SEC14L4: variants seen among roughly 807,000 people sequenced by gnomAD.
SEC14L4 encodes SEC14-like protein 4.
SEC14L4 carries 42 observed loss-of-function variants against 55.1 expected under a neutral mutation model. That is an observed-to-expected ratio of 0.76 (90% confidence interval 0.60 to 0.99). The LOEUF is 0.99. Among genes scored for constraint, SEC14L4 ranks in the 50% least tolerant of loss-of-function variants. The probability of loss-of-function intolerance (pLI) is 0.00; values close to 1 mark genes in which losing one functional copy is unlikely to be tolerated. For missense variants in SEC14L4, 445 were observed against 512.1 expected, an observed-to-expected ratio of 0.87 and a Z score of 1.27; for synonymous variants, 206 against 206.8, an observed-to-expected ratio of 1.00 and a Z score of 0.03.
rs984054121 is a variant in SEC14L4 at position 30,494,229 on chromosome 22, T to C, written c.520-19A>G. The C allele has an allele frequency of 2.5e-6, 4 of 1,607,096 alleles. No homozygotes were observed. The South Asian group carries it at 4.4e-5, about 18-fold the overall frequency. ...TAAAAAACTGTGGAGTCAAGATGAG[T>C]CTGGTTGGGGCTCTGTTCCATCACC... On this transcript the variant is annotated intron_variant, in intron 6 of 11. Transcript: ENST00000255858.
chr22:30,501,839 ACACG>A (rs1324895000), intron 2 of SEC14L4, among the ~76,000 whole-genome samples: 10 of 102,228 alleles, frequency 9.8e-5, no homozygotes, highest in African/African-American at 4.1e-4. Flanking sequence ...ATATACACAC[ACACG>A]CACATATATA....
Position 30,494,911 on chromosome 22 carries a change from C to T in SEC14L4, c.474G>A (p.Leu158=). 6.2e-7 allele frequency: 1 copy of T among 1,613,768 alleles called. No individual in the cohort carries two copies. The highest frequency in any genetic ancestry group is 8.5e-7 in the Non-Finnish European group (1 of 1,179,988). ...CTGGCTTCCACAGGTGTTTCAGGCT[C>T]AGCCCCTCCATGTCAAACACCATCA... The part of the protein sequence containing the change: ...MALMVFDMEG[L]SLKHLWKPAV... The change falls in exon 6 of 12, where the codon CTG becomes CTA. Residue 158 remains leucine (L), a synonymous_variant. Transcript: ENST00000255858.
At chr22:30,497,700 T>A (rs1936194526) in intron 2 of SEC14L4, among the ~76,000 whole-genome samples, 1 of 152,128 alleles carries the variant, frequency 6.6e-6, no homozygotes, top group Non-Finnish European at 1.5e-5. Context: ...AACAAATACA[T>A]GTTATCTCTT....
At chr22:30,494,728 C>T in intron 6 of SEC14L4, 138 bp downstream of exon 6, 1 of 634,584 alleles carries the variant, frequency 1.6e-6, no homozygotes, top group East Asian at 2.8e-5. Context: ...TCTAGGCCAG[C>T]ATCATTGGCT....
In SEC14L4 at chr22:30,505,689, T is replaced by A; in HGVS notation, c.-78A>T. ...GCCTGGCCTTGTATCCGCTGCCGCC[T>A]GGTTGTGCCTCCTGGGCCAGATGTT... On this transcript the variant is annotated 5_prime_UTR_variant, in exon 1 of 12. Transcript: ENST00000255858. The A allele has an allele frequency of 7.3e-7, 1 of 1,371,422 alleles. No homozygotes were observed. Among genetic ancestry groups the A allele is most frequent in the Non-Finnish European group, 9.8e-7 (1 of 1,015,504 alleles). 85.0% of individuals were successfully genotyped at this position (1,371,422 alleles called of 1,614,324 possible).
chr22:30,501,818 T>A (rs1936328523), intron 2 of SEC14L4, among the ~76,000 whole-genome samples: 1 of 138,730 alleles, frequency 7.2e-6, no homozygotes, highest in Admixed American at 7.7e-5. Flanking sequence ...AAAATTAAAG[T>A]TTTTATATAT....
At chr22:30,504,141 C>T (rs11704977) in intron 1 of SEC14L4, among the ~76,000 whole-genome samples, 25,537 of 151,434 alleles carry the variant, frequency 0.17, 2,643 homozygotes, top group East Asian at 0.47. Flanking sequence ...CACTGCAACC[C>T]GTGCCTCCCG....
rs1936402087 is a variant in SEC14L4 at position 30,503,663 on chromosome 22, C to G, written c.130+14G>C. 1 of 1,594,560 alleles carries G rather than the reference C, an allele frequency of 6.3e-7. No individual in the cohort carries two copies. Among genetic ancestry groups the G allele is most frequent in the South Asian group, 1.1e-5 (1 of 90,560 alleles). On this transcript the variant is annotated intron_variant, in intron 2 of 11. Transcript: ENST00000255858. ...CCCTCCCTTTCTGCGTCCCCTGACC[C>G]CTGCAAGCCTCACCTCGCAGCCAGC...
Position 30,495,377 on chromosome 22 carries a change from G to A in SEC14L4, c.300C>T (p.Phe100=), listed in dbSNP as rs773187256. Residue 100 remains phenylalanine (F), a synonymous_variant, in exon 5 of 12, where the codon TTC becomes TTT. Coordinates refer to ENST00000255858, the MANE Select transcript of SEC14L4 (RefSeq NM_174977.4). ...GYDYEGCPVY[F]NIIGSLDPKG... ...TGGGGTCGAGGGACCCAATGATGTTGAAGTACACAGGGCAGCCTTCGTAGT... is the reference window on the plus strand; with the variant it reads ...TGGGGTCGAGGGACCCAATGATGTTAAAGTACACAGGGCAGCCTTCGTAGT... The A allele has an allele frequency of 6.2e-7, 1 of 1,614,078 alleles. No homozygotes were observed. Among genetic ancestry groups the A allele is most frequent in the Non-Finnish European group, 8.5e-7 (1 of 1,180,010 alleles).
chr22:30,492,189 C>A (rs1272511842), intron 8 of SEC14L4, 34 bp from the exon 9 acceptor site: 17 of 1,581,756 alleles, frequency 1.1e-5, no homozygotes, highest in Non-Finnish European at 1.4e-5. Context: ...TCCAAAGGGA[C>A]TCAGGAGACT....
Position 30,491,902 on chromosome 22 carries a change from C to G in SEC14L4, c.843G>C (p.Thr281=). 3 of 1,613,704 alleles carry G rather than the reference C, an allele frequency of 1.9e-6. No individual in the cohort carries two copies. The highest frequency in any genetic ancestry group is 3.4e-4 in the Middle Eastern group (2 of 5,846). Residue 281 remains threonine, a synonymous_variant, in exon 10 of 12, where the codon ACG becomes ACC. Coordinates refer to ENST00000255858, the MANE Select transcript of SEC14L4 (RefSeq NM_174977.4). ...CEQVRLQYEH[T]RSVGRGSSLQ... ...GGGAGGAGCCGCGGCCCACGGACCTCGTGTGCTCATACTGCAGCCTCACCT... is the reference window on the plus strand; with the variant it reads ...GGGAGGAGCCGCGGCCCACGGACCTGGTGTGCTCATACTGCAGCCTCACCT...
chr22:30,489,682 T>A lies in SEC14L4; in HGVS notation c.*425A>T. 1 of 644,350 alleles carries A rather than the reference T, an allele frequency of 1.6e-6. No individual in the cohort carries two copies. The highest frequency in any genetic ancestry group is 1.9e-5 in the South Asian group (1 of 53,888). The allele number at this position is 644,350 out of a possible 1,614,324, so 39.9% of individuals were successfully genotyped here. On this transcript the variant is annotated 3_prime_UTR_variant, in exon 12 of 12. Transcript: ENST00000255858. ...TCCTACATGCAGAGAACAGGGCTTC[T>A]CTGCTCTTCAGGCCTGAAGCTGTGA...
intron 2 of SEC14L4, among the ~76,000 whole-genome samples, chr22:30,497,750 C>G (rs1936196073): frequency 6.6e-6 from 1 of 152,118 alleles, no homozygotes; most frequent in African/African-American, 2.4e-5. Flanking sequence ...AGACAAGCCA[C>G]CAAGTTCACC....
chr22:30,490,549 C>T (rs1054444075), intron 11 of SEC14L4, among the ~76,000 whole-genome samples: 4 of 152,192 alleles, frequency 2.6e-5, no homozygotes, highest in Admixed American at 2.6e-4. Flanking sequence ...GGCCTGGGAA[C>T]GGGATCTCGA....
chr22:30,490,181 C>A lies in SEC14L4; in HGVS notation c.1147G>T (p.Val383Leu), dbSNP rs1293580145. ...TCAGAGGCCTTGTCGGGAAGCAGCA[C>A]CTCCACAGTGTAGCTGAGCTTCTTG... ...HAKKLSYTVEVLLPDKASEET... is the reference protein window; with the variant it reads ...HAKKLSYTVELLLPDKASEET... The change falls in exon 12 of 12, where the codon GTG becomes TTG. Residue 383 changes from valine to leucine, a missense_variant. By Grantham distance (32) the Val-to-Leu change is conservative. Coordinates refer to ENST00000255858, the MANE Select transcript of SEC14L4 (RefSeq NM_174977.4). 6.2e-7 allele frequency: 1 copy of A among 1,614,060 alleles called. No homozygotes were observed. Among genetic ancestry groups the A allele is most frequent in the Non-Finnish European group, 8.5e-7 (1 of 1,180,046 alleles).
At position 30,495,309 on chromosome 22, in the gene SEC14L4, T is replaced by C. The variant is rs1399186429; in HGVS notation, c.368A>G (p.Lys123Arg). The change falls in exon 5 of 12, where the codon AAG (lysine) becomes AGG (arginine). Residue 123 changes from lysine (K) to arginine (R), a missense_variant. By Grantham distance (26) the Lys-to-Arg change is conservative. Coordinates refer to ENST00000255858, the MANE Select transcript of SEC14L4 (RefSeq NM_174977.4). ...LSASKQDMIRKRIKVCELLLH... is the reference protein window; with the variant it reads ...LSASKQDMIRRRIKVCELLLH... The stretch of plus-strand genomic sequence containing the variant: ...CAGCAGCTCACAGACTTTGATGCGC[T>C]TCCGGATCATATCCTGCTTGGAGGC... The C allele has an allele frequency of 1.1e-5, 17 of 1,613,924 alleles. No homozygotes were observed. Among genetic ancestry groups the C allele is most frequent in the Non-Finnish European group, 1.4e-5 (17 of 1,179,978 alleles).
chr22:30,505,484 G>T, intron 1 of SEC14L4, 74 bp downstream of exon 1: 1 of 1,410,774 alleles, frequency 7.1e-7, no homozygotes, highest in Non-Finnish European at 9.8e-7. Flanking sequence ...TACCATGGGG[G>T]CTCCAGCCGG....
chr22:30,492,586 C>A, intron 7 of SEC14L4, 29 bp from the exon 8 acceptor site: 1 of 1,580,578 alleles, frequency 6.3e-7, no homozygotes. Context: ...TCTTGAGAAG[C>A]TGGACCAGAA....
At chr22:30,492,853 G>A (rs776979206) in intron 7 of SEC14L4, 1 of 330,390 alleles carries the variant, frequency 3.0e-6, no homozygotes, top group Non-Finnish European at 5.8e-6. Context: ...GGAGGCTGAG[G>A]TAGGCAGATC....
Sources: gnomAD v4.1 joint callset for allele counts (sites outside exome capture counted in the v4.1 genomes callset) on GRCh38, gnomAD v4.1.1 for gene constraint, MANE v1.5 for transcripts, NCBI Gene and HGNC (gene_info 2026-07-23, HGNC 2026-07-21) for gene names.